Variants in ZNF462 observed in about 807,000 individuals in gnomAD.
ZNF462 encodes the protein zinc finger PBX1-interacting protein.
A neutral mutation model predicts 201.9 loss-of-function variants in ZNF462; 10 were observed. The ratio of observed to expected loss-of-function variants is 0.05; its 90% CI spans 0.03 to 0.08. ZNF462 has a LOEUF of 0.08. ZNF462 is among the 10% of genes least tolerant of loss of function. The pLI is 1.00. For missense variants in ZNF462, 2,523 were observed against 3,168.3 expected, an observed-to-expected ratio of 0.80 and a Z score of 4.89; for synonymous variants, 1,227 against 1,193.3, an observed-to-expected ratio of 1.03 and a Z score of -0.58.
At chr9:106,989,713 C>T (rs1453247378) in intron 10 of ZNF462, among the ~76,000 whole-genome samples, 1 of 151,998 alleles carries the variant, frequency 6.6e-6, no homozygotes, top group African/African-American at 2.4e-5. Context: ...ATTTCAATCT[C>T]GCTACTTGTC....
intron 1 of ZNF462, among the ~76,000 whole-genome samples, chr9:106,882,439 A>G (rs562299025): frequency 2.6e-5 from 4 of 152,240 alleles, no homozygotes; most frequent in Non-Finnish European, 5.9e-5. Context: ...ACATCGCTAG[A>G]TTTATAGCAT....
chr9:106,866,655 T>C lies in ZNF462; in HGVS notation c.-31+3300T>C, dbSNP rs1466043272. Among the ~76,000 whole-genome samples, 5 of 152,326 alleles carry C rather than the reference T, an allele frequency of 3.3e-5. No individual in the cohort carries two copies. In the East Asian group the frequency reaches 9.7e-4, roughly 29 times the overall value. ...AAATCCTACTTGGAATCATAACTTT[T>C]ATTATTCATTTTTGAACATTATCTT... On this transcript the variant is annotated intron_variant, in intron 1 of 12. Transcript: ENST00000277225.
intron 1 of ZNF462, among the ~76,000 whole-genome samples, chr9:106,907,513 A>T (rs948015553): frequency 6.6e-6 from 1 of 152,186 alleles, no homozygotes; most frequent in East Asian, 1.9e-4. Context: ...TGAGTTTTAC[A>T]TGGTAATTTT....
At chr9:106,881,302 G>C (rs1217227514) in intron 1 of ZNF462, among the ~76,000 whole-genome samples, 1 of 152,248 alleles carries the variant, frequency 6.6e-6, no homozygotes, top group South Asian at 2.1e-4. Context: ...ACATCGAAGG[G>C]GGACCCTTTT....
intron 7 of ZNF462, among the ~76,000 whole-genome samples, chr9:106,948,429 T>C (rs1026101788): frequency 2.6e-5 from 4 of 152,218 alleles, no homozygotes; most frequent in Admixed American, 2.6e-4. Flanking sequence ...AAATCAGTCA[T>C]GGGTAGTAGT....
rs1437615955 is a variant in ZNF462, at chr9:106,905,242, G to T, written c.-30-18112G>T. Among the ~76,000 whole-genome samples, 2 of 152,142 alleles carry T rather than the reference G, an allele frequency of 1.3e-5. No homozygotes were observed. The highest frequency in any genetic ancestry group is 1.9e-4 in the East Asian group (1 of 5,180). Reference sequence around the variant, plus strand: ...AGTCCACCCAGCAACAGGCTGGTTGGGGGTTTCTGCACAGAGTCCTGTGAT... The same window carrying T: ...AGTCCACCCAGCAACAGGCTGGTTGTGGGTTTCTGCACAGAGTCCTGTGAT... On this transcript the variant is annotated intron_variant, in intron 1 of 12. Transcript: ENST00000277225. The surrounding 1 kb of genome is among the most constrained non-coding windows in gnomAD (Gnocchi z 5.9).
intron 7 of ZNF462, among the ~76,000 whole-genome samples, chr9:106,956,602 G>T (rs1332844973): frequency 6.7e-6 from 1 of 149,434 alleles, no homozygotes; most frequent in African/African-American, 2.6e-5. Context: ...AGCTGTGAAA[G>T]TCCTAGATGG....
chr9:107,005,987 G>A lies in ZNF462; in HGVS notation c.7189+2561G>A, dbSNP rs907006013. 7.2e-5 allele frequency among the ~76,000 whole-genome samples: 11 copies of A among 152,140 alleles called. No homozygotes were observed. Among genetic ancestry groups the A allele is most frequent in the African/African-American group, 2.2e-4 (9 of 41,416 alleles). ...TTGGCACCTTTGTTGAAAACCGATG[G>A]ACTGTGAATGTGTGGATTTATTTCT... On this transcript the variant is annotated intron_variant, in intron 11 of 12. Transcript: ENST00000277225. This position sits in a 1 kb window ranked among gnomAD's most constrained non-coding sequence, Gnocchi z 4.4.
intron 10 of ZNF462, among the ~76,000 whole-genome samples, chr9:106,988,131 G>A (rs780642411): frequency 6.6e-6 from 1 of 152,082 alleles, no homozygotes; most frequent in Non-Finnish European, 1.5e-5. Context: ...TGATAAAGAC[G>A]TACCTGAGAC....
intron 7 of ZNF462, among the ~76,000 whole-genome samples, 188 bp downstream of exon 7, chr9:106,939,295 C>A (rs1830766033): frequency 6.6e-6 from 1 of 152,064 alleles, no homozygotes; most frequent in African/African-American, 2.4e-5. Context: ...TGTTGAGCAT[C>A]TGTGTGACGC....
intron 7 of ZNF462, among the ~76,000 whole-genome samples, chr9:106,965,713 ACACAAAG>A (rs1439786954): frequency 3.9e-5 from 6 of 152,086 alleles, no homozygotes; most frequent in African/African-American, 1.4e-4. Context: ...AGTCCATCAG[ACACAAAG>A]CTTGAATAGT....
rs774296284 is a variant in ZNF462 at position 106,972,057 on chromosome 9, G to A, written c.6480G>A (p.Gln2160=). Residue 2160 remains glutamine, a synonymous_variant, in exon 8 of 13, where the codon CAG becomes CAA. Coordinates refer to ENST00000277225, the MANE Select transcript of ZNF462 (RefSeq NM_021224.6). The surrounding 1 kb of genome is among the most constrained non-coding windows in gnomAD (Gnocchi z 4.8). ...PDVQQQLNHY[Q]SAALARNNSR... ...TTCAGCAGCAGTTGAACCACTATCA[G>A]TCAGCTGCCCTGGCAAGGAACAACA... 3.1e-6 allele frequency: 5 copies of A among 1,614,166 alleles called. No individual in the cohort carries two copies. In the South Asian group the frequency reaches 5.5e-5, roughly 18 times the overall value.
chr9:106,866,983 C>A (rs1374707926), intron 1 of ZNF462, among the ~76,000 whole-genome samples: 1 of 152,172 alleles, frequency 6.6e-6, no homozygotes, highest in Non-Finnish European at 1.5e-5. Flanking sequence ...AAACATCTGA[C>A]AATCTGGTTG....
Position 106,925,574 on chromosome 9 carries a change from A to C in ZNF462, c.1662A>C (p.Pro554=), listed in dbSNP as rs755449347. The C allele has an allele frequency of 6.2e-7, 1 of 1,611,964 alleles. No individual in the cohort carries two copies. The highest frequency in any genetic ancestry group is 1.3e-5 in the African/African-American group (1 of 74,882). ...QPPPPPPPPP[P]SQPQPLQQPQ... is the part of the protein sequence containing the mutation. The stretch of plus-strand genomic sequence containing the variant: ...CACCACCGCCGCCGCCACCACCACC[A>C]TCACAGCCACAGCCACTGCAGCAGC... Residue 554 remains proline (P), a synonymous_variant, in exon 3 of 13, where the codon CCA becomes CCC. Transcript: ENST00000277225. This position sits in a 1 kb window ranked among gnomAD's most constrained non-coding sequence, Gnocchi z 7.9.
chr9:106,887,597 T>C (rs948514510), intron 1 of ZNF462, among the ~76,000 whole-genome samples: 5 of 152,208 alleles, frequency 3.3e-5, no homozygotes, highest in African/African-American at 1.2e-4. Flanking sequence ...TTGCTCAAGG[T>C]AACGAAGTTG....
In ZNF462 at chr9:106,984,487, T is replaced by G; in HGVS notation, c.7056+78T>G. ...AAGGGGGAGACACCACTGCATTTAG[T>G]CACGACCACTGTGTACCAGATGGAG... On this transcript the variant is annotated intron_variant, in intron 10 of 12. Coordinates refer to ENST00000277225, the MANE Select transcript of ZNF462 (RefSeq NM_021224.6). This position sits in a 1 kb window ranked among gnomAD's most constrained non-coding sequence, Gnocchi z 6.4. 1.8e-6 allele frequency: 2 copies of G among 1,128,674 alleles called. No individual in the cohort carries two copies. Among genetic ancestry groups the G allele is most frequent in the Non-Finnish European group, 2.6e-6 (2 of 779,786 alleles). The allele number at this position is 1,128,674 out of a possible 1,614,324, so 69.9% of individuals were successfully genotyped here.
chr9:106,956,883 T>C (rs1399769874), intron 7 of ZNF462, among the ~76,000 whole-genome samples: 1 of 152,156 alleles, frequency 6.6e-6, no homozygotes, highest in Non-Finnish European at 1.5e-5. Context: ...GGGCCTTGCT[T>C]TGGATTAGGC....
In ZNF462 at chr9:106,872,765, C is replaced by T. The variant is rs187895146; in HGVS notation, c.-31+9410C>T. 2.6e-5 allele frequency among the ~76,000 whole-genome samples: 4 copies of T among 152,160 alleles called. No individual in the cohort carries two copies. The highest frequency in any genetic ancestry group is 2.1e-4 in the South Asian group (1 of 4,824). On this transcript the variant is annotated intron_variant, in intron 1 of 12. Coordinates refer to ENST00000277225, the MANE Select transcript of ZNF462 (RefSeq NM_021224.6). The surrounding 1 kb of genome is among the most constrained non-coding windows in gnomAD (Gnocchi z 4.5). ...TGTCTGTTCTAATACTGGGTAAGAA[C>T]AATAGAAAATAAATATGATTGCTTC...
chr9:106,985,087 G>C (rs963125124), intron 10 of ZNF462, among the ~76,000 whole-genome samples: 10 of 151,964 alleles, frequency 6.6e-5, no homozygotes, highest in African/African-American at 2.2e-4. Context: ...CTGGAGCGTG[G>C]GCGACAAAAA....
Sources: allele counts gnomAD v4.1 joint callset (sites outside exome capture counted in the v4.1 genomes callset), GRCh38; gene constraint gnomAD v4.1.1; non-coding constraint Gnocchi (gnomAD v3.1); transcripts MANE v1.5; gene names NCBI Gene and HGNC (gene_info 2026-07-23, HGNC 2026-07-21).